PRKAR2A: variants seen among roughly 807,000 people sequenced by gnomAD.
PRKAR2A encodes cAMP-dependent protein kinase type II-alpha regulatory subunit.
PRKAR2A carries 29 observed loss-of-function variants against 51.9 expected under a neutral mutation model. The ratio of observed to expected loss-of-function variants is 0.56; its 90% CI spans 0.42 to 0.76. The LOEUF (loss-of-function observed/expected upper bound fraction) is 0.76. Among genes scored for constraint, PRKAR2A ranks in the 30% least tolerant of loss-of-function variants. PRKAR2A has a pLI of 0.00. For synonymous variants in PRKAR2A, 178 were observed against 186.2 expected, an observed-to-expected ratio of 0.96 and a Z score of 0.36; for missense variants, 445 against 512.1, an observed-to-expected ratio of 0.87 and a Z score of 1.26.
At chr3:48,817,804 G>T (rs1230740162) in intron 1 of PRKAR2A, among the ~76,000 whole-genome samples, 1 of 151,714 alleles carries the variant, frequency 6.6e-6, no homozygotes, top group Non-Finnish European at 1.5e-5. Context: ...AGCAAAAAAA[G>T]ATTTGGTATG....
chr3:48,761,701 CT>C (rs1231389874), intron 8 of PRKAR2A, among the ~76,000 whole-genome samples: 2 of 152,190 alleles, frequency 1.3e-5, no homozygotes, highest in Admixed American at 6.5e-5. Flanking sequence ...CAACCTCTGC[CT>C]CCCAAGTTCA....
intron 9 of PRKAR2A, among the ~76,000 whole-genome samples, chr3:48,754,418 G>A (rs1377970031): frequency 1.3e-5 from 2 of 151,822 alleles, no homozygotes; most frequent in Admixed American, 6.6e-5. Context: ...TGTATTTTTA[G>A]TAGAGATGAG....
At chr3:48,783,180 T>C (rs955964180) in intron 4 of PRKAR2A, 88 bp from the exon 5 acceptor site, 9 of 833,616 alleles carry the variant, frequency 1.1e-5, no homozygotes, top group Non-Finnish European at 1.8e-5. Flanking sequence ...TGTGACTATG[T>C]AACAGAAGTC....
At chr3:48,844,099 C>T (rs1187347049) in intron 1 of PRKAR2A, among the ~76,000 whole-genome samples, 12 of 151,828 alleles carry the variant, frequency 7.9e-5, no homozygotes, top group Admixed American at 4.6e-4. Context: ...TGACAAAGGG[C>T]GAATATCCAG....
chr3:48,752,144 AAG>A, intron 10 of PRKAR2A, 30 bp downstream of exon 10: 1 of 1,591,354 alleles, frequency 6.3e-7, no homozygotes, highest in Non-Finnish European at 8.5e-7. Flanking sequence ...ATGTTAGAAA[AAG>A]AATATTAATG....
At chr3:48,777,851 T>C (rs2082128947) in intron 5 of PRKAR2A, among the ~76,000 whole-genome samples, 1 of 152,174 alleles carries the variant, frequency 6.6e-6, no homozygotes, top group Non-Finnish European at 1.5e-5. Flanking sequence ...GAAGCTGACC[T>C]GTCCTAGGCC....
rs141065633 is a variant in PRKAR2A, at chr3:48,802,750, C to T, written c.298+4899G>A. On this transcript the variant is annotated intron_variant, in intron 2 of 10. Coordinates refer to ENST00000265563, the MANE Select transcript of PRKAR2A (RefSeq NM_004157.4). Reference sequence around the variant, plus strand: ...AAACAACAAATACAAACAGCTACTTCACGCGGTTTTGTTTTAAAGGTATGG... The same window carrying T: ...AAACAACAAATACAAACAGCTACTTTACGCGGTTTTGTTTTAAAGGTATGG... Among the ~76,000 whole-genome samples the T allele has an allele frequency of 7.2e-5, 11 of 152,260 alleles. 1 individual carries two copies. In the East Asian group the frequency reaches 1.9e-3, roughly 27 times the overall value.
Position 48,751,451 on chromosome 3 carries a change from G to T in PRKAR2A, c.*134C>A. ...GTGCTGACTTTCAAGTTTTCTAAAT[G>T]CCCATAACCACAGCAATGGCAGCAG... On this transcript the variant is annotated 3_prime_UTR_variant, in exon 11 of 11. Coordinates refer to ENST00000265563, the MANE Select transcript of PRKAR2A (RefSeq NM_004157.4). 7.6e-7 allele frequency: 1 copy of T among 1,311,686 alleles called. No homozygotes were observed. The highest frequency in any genetic ancestry group is 1.1e-6 in the Non-Finnish European group (1 of 926,018). The allele number at this position is 1,311,686 out of a possible 1,614,324, so 81.3% of individuals were successfully genotyped here.
chr3:48,805,616 CCTCA>C (rs2082666902), intron 2 of PRKAR2A, among the ~76,000 whole-genome samples: 2 of 152,100 alleles, frequency 1.3e-5, no homozygotes, highest in African/African-American at 4.8e-5. Flanking sequence ...ATGGTATGGG[CCTCA>C]CTCAAAGTGT....
intron 2 of PRKAR2A, among the ~76,000 whole-genome samples, chr3:48,806,875 G>A (rs917050659): frequency 6.6e-6 from 1 of 151,784 alleles, no homozygotes; most frequent in African/African-American, 2.4e-5. Flanking sequence ...GGGTTCAAGT[G>A]ATTCTCTGCC....
chr3:48,757,170 A>T (rs2081784625), intron 8 of PRKAR2A, among the ~76,000 whole-genome samples: 1 of 152,212 alleles, frequency 6.6e-6, no homozygotes, highest in Admixed American at 6.5e-5. Flanking sequence ...TACTTCACCA[A>T]GAAGAGGGTG....
chr3:48,838,903 G>A (rs2083329725), intron 1 of PRKAR2A, among the ~76,000 whole-genome samples: 1 of 150,996 alleles, frequency 6.6e-6, no homozygotes, highest in African/African-American at 2.4e-5. Flanking sequence ...AGAATGGCAC[G>A]AACCTGGGAG....
At chr3:48,803,979 A>C (rs1175607021) in intron 2 of PRKAR2A, among the ~76,000 whole-genome samples, 2 of 152,186 alleles carry the variant, frequency 1.3e-5, no homozygotes, top group Non-Finnish European at 2.9e-5. Flanking sequence ...AATTTATTAA[A>C]AAAAAAGCAT....
chr3:48,811,755 G>A (rs1221973898), intron 1 of PRKAR2A, among the ~76,000 whole-genome samples: 5 of 151,876 alleles, frequency 3.3e-5, no homozygotes, highest in African/African-American at 7.3e-5. Flanking sequence ...TTGTGAATGC[G>A]CTAAATGCCA....
At chr3:48,803,930 C>T (rs1023767155) in intron 2 of PRKAR2A, among the ~76,000 whole-genome samples, 9 of 152,016 alleles carry the variant, frequency 5.9e-5, no homozygotes, top group Non-Finnish European at 1.3e-4. Context: ...TGCCACTGTA[C>T]TCTAGCCTGG....
chr3:48,812,505 G>A lies in PRKAR2A; in HGVS notation c.263-4821C>T, dbSNP rs925457992. Among the ~76,000 whole-genome samples, 15 of 130,492 alleles carry A rather than the reference G, an allele frequency of 1.1e-4. No homozygotes were observed. In the East Asian group the frequency reaches 2.2e-3, roughly 19 times the overall value. 85.6% of individuals were successfully genotyped at this position (130,492 alleles called of 152,430 possible). ...GAAAAAGCTTTTTTTTTTTTTTTTC[G>A]AGACTCTCACTCTGTCGCCCAGGCT... On this transcript the variant is annotated intron_variant, in intron 1 of 10. Coordinates refer to ENST00000265563, the MANE Select transcript of PRKAR2A (RefSeq NM_004157.4).
chr3:48,820,400 T>C (rs1037487064), intron 1 of PRKAR2A, among the ~76,000 whole-genome samples: 2 of 152,108 alleles, frequency 1.3e-5, no homozygotes, highest in Non-Finnish European at 2.9e-5. Context: ...TTAGGAAACA[T>C]TTGGGGATTG....
In PRKAR2A at chr3:48,847,628, G is replaced by A; in HGVS notation, c.-32C>T. 2.8e-6 allele frequency: 4 copies of A among 1,407,854 alleles called. No homozygotes were observed. The highest frequency in any genetic ancestry group is 3.7e-6 in the Non-Finnish European group (4 of 1,087,036). The allele number at this position is 1,407,854 out of a possible 1,614,324, so 87.2% of individuals were successfully genotyped here. ...GGCGGCCGAAGGGATAGACGGGTTG[G>A]GCCGCCGGCGGCCACTGTCTCCGCG... On this transcript the variant is annotated 5_prime_UTR_variant, in exon 1 of 11. Coordinates refer to ENST00000265563, the MANE Select transcript of PRKAR2A (RefSeq NM_004157.4). The surrounding 1 kb of genome is among the most constrained non-coding windows in gnomAD (Gnocchi z 4.4).
intron 9 of PRKAR2A, among the ~76,000 whole-genome samples, chr3:48,752,769 G>A (rs1336368630): frequency 1.3e-5 from 2 of 151,868 alleles, no homozygotes; most frequent in Admixed American, 6.6e-5. Flanking sequence ...AATGATCACA[G>A]CTCATGCAGC....
Sources: allele counts gnomAD v4.1 joint callset (sites outside exome capture counted in the v4.1 genomes callset), GRCh38; gene constraint gnomAD v4.1.1; non-coding constraint Gnocchi (gnomAD v3.1); transcripts MANE v1.5; gene names NCBI Gene and HGNC (gene_info 2026-07-23, HGNC 2026-07-21).